HNRNPC: variants seen among roughly 807,000 people sequenced by gnomAD.
The protein encoded by HNRNPC is heterogeneous nuclear ribonucleoproteins C1/C2.
In HNRNPC, 3 loss-of-function variants were observed where a neutral mutation model predicts 33.2. The observed-to-expected ratio is 0.09, with a 90% CI of 0.04 to 0.23. The LOEUF (loss-of-function observed/expected upper bound fraction) is 0.23. HNRNPC is among the 10% of genes least tolerant of loss of function. The pLI is 1.00. For synonymous variants in HNRNPC, 121 were observed against 126.7 expected (o/e 0.96, Z 0.30); for missense variants, 143 against 366.7 (o/e 0.39, Z 4.98).
chr14:21,253,214 C>T (rs900595429), intron 2 of HNRNPC, among the ~76,000 whole-genome samples: 8 of 147,714 alleles, frequency 5.4e-5, no homozygotes, highest in Admixed American at 1.4e-4. Flanking sequence ...CGGTGGCTCA[C>T]GCCTGTAATC....
chr14:21,217,954 T>G (rs933899127), intron 5 of HNRNPC, among the ~76,000 whole-genome samples: 2 of 152,112 alleles, frequency 1.3e-5, no homozygotes, highest in Non-Finnish European at 2.9e-5. Flanking sequence ...TCAAAAAGAA[T>G]CTAGTCTGTA....
intron 2 of HNRNPC, among the ~76,000 whole-genome samples, chr14:21,258,864 A>T (rs956754169): frequency 6.6e-6 from 1 of 152,188 alleles, no homozygotes; most frequent in African/African-American, 2.4e-5. Context: ...GCTTGGGATG[A>T]TTATTTTCTT....
chr14:21,217,852 T>C (rs1345353578), intron 5 of HNRNPC, among the ~76,000 whole-genome samples: 3 of 152,230 alleles, frequency 2.0e-5, no homozygotes, highest in African/African-American at 7.2e-5. Context: ...AAAAGTGGTG[T>C]GTCTTGATGG....
chr14:21,252,561 C>T (rs1280768856), intron 2 of HNRNPC, among the ~76,000 whole-genome samples: 1 of 152,196 alleles, frequency 6.6e-6, no homozygotes, highest in Non-Finnish European at 1.5e-5. Context: ...GATGTGCCCA[C>T]CTTGGCCTCC....
intron 1 of HNRNPC, chr14:21,264,608 G>A (rs1475497208): frequency 6.6e-6 from 1 of 152,156 alleles, no homozygotes; most frequent in Non-Finnish European, 1.5e-5. Context: ...TGACAAACTG[G>A]TTGTTTCATC....
chr14:21,226,899 G>GAAAAAAAA (rs763914963), intron 5 of HNRNPC, among the ~76,000 whole-genome samples: 10 of 106,380 alleles, frequency 9.4e-5, no homozygotes, highest in African/African-American at 3.9e-4. Flanking sequence ...AAAAAAAGGG[G>GAAAAAAAA]GGGGGGGGAC....
chr14:21,262,633 AG>A (rs1479308836), intron 2 of HNRNPC: 1 of 152,386 alleles, frequency 6.6e-6, no homozygotes, highest in Non-Finnish European at 1.5e-5. Flanking sequence ...TCTGTTCCGA[AG>A]GCCCCCCTGG....
intron 3 of HNRNPC, among the ~76,000 whole-genome samples, chr14:21,231,979 G>C (rs1273668231): frequency 6.6e-6 from 1 of 152,120 alleles, no homozygotes; most frequent in Non-Finnish European, 1.5e-5. Context: ...TTATAAGTAA[G>C]GATTAGCTGT....
chr14:21,232,556 T>C (rs532324766), intron 3 of HNRNPC, among the ~76,000 whole-genome samples: 1 of 152,232 alleles, frequency 6.6e-6, no homozygotes, highest in African/African-American at 2.4e-5. Context: ...TTAATAGAGA[T>C]GGCTTTTCAC....
chr14:21,260,699 T>A (rs1179503611), intron 2 of HNRNPC, among the ~76,000 whole-genome samples: 3 of 152,134 alleles, frequency 2.0e-5, no homozygotes, highest in Admixed American at 1.3e-4. Flanking sequence ...GTGCAGTGGC[T>A]CATGCCTGTA....
chr14:21,247,760 A>G (rs933989556), intron 2 of HNRNPC, among the ~76,000 whole-genome samples: 16 of 151,166 alleles, frequency 1.1e-4, no homozygotes, highest in Non-Finnish European at 2.1e-4. Context: ...GACCAGCTTG[A>G]CTAACATGGT....
chr14:21,221,907 G>A (rs2139546161), intron 5 of HNRNPC, among the ~76,000 whole-genome samples: 1 of 151,824 alleles, frequency 6.6e-6, no homozygotes, highest in South Asian at 2.1e-4. Context: ...ATATTAGCCG[G>A]GCGTGGTGGC....
At chr14:21,216,640 C>T (rs903030218) in intron 5 of HNRNPC, among the ~76,000 whole-genome samples, 1 of 152,096 alleles carries the variant, frequency 6.6e-6, no homozygotes, top group African/African-American at 2.4e-5. Context: ...ACCTAACAGG[C>T]GGAGTTCATA....
rs1038366798 is a variant in HNRNPC at position 21,234,104 on chromosome 14, T to C, written c.90A>G (p.Lys30=). The part of the protein sequence containing the change: ...IGNLNTLVVK[K]SDVEAIFSKY... ...TCGAAAAGATTGCCTCCACATCAGATTTCTTGACCACAAGAGTGTTGAGAT... is the reference window on the plus strand; with the variant it reads ...TCGAAAAGATTGCCTCCACATCAGACTTCTTGACCACAAGAGTGTTGAGAT... Residue 30 remains lysine, a synonymous_variant, in exon 3 of 9, where the codon AAA becomes AAG. Coordinates refer to ENST00000553300, the MANE Select transcript of HNRNPC (RefSeq NM_004500.4). The C allele has an allele frequency of 4.3e-6, 7 of 1,613,984 alleles. No individual in the cohort carries two copies. Among genetic ancestry groups the C allele is most frequent in the African/African-American group, 1.3e-5 (1 of 75,026 alleles).
chr14:21,248,719 T>C (rs1896277104), intron 2 of HNRNPC, among the ~76,000 whole-genome samples: 1 of 152,224 alleles, frequency 6.6e-6, no homozygotes, highest in South Asian at 2.1e-4. Flanking sequence ...AGCAAATACA[T>C]TTTTAATTAC....
intron 5 of HNRNPC, among the ~76,000 whole-genome samples, chr14:21,213,910 T>C (rs932527093): frequency 6.6e-6 from 1 of 152,236 alleles, no homozygotes; most frequent in Admixed American, 6.5e-5. Context: ...CTGTTTCTAT[T>C]AGAAATCTTA....
chr14:21,230,793 A>G, intron 4 of HNRNPC: 1 of 558,298 alleles, frequency 1.8e-6, no homozygotes, highest in Non-Finnish European at 3.1e-6. Context: ...ATTCTCTAGA[A>G]ATTTTCTCTA....
At chr14:21,217,527 A>C (rs911719024) in intron 5 of HNRNPC, among the ~76,000 whole-genome samples, 1 of 152,184 alleles carries the variant, frequency 6.6e-6, no homozygotes, top group African/African-American at 2.4e-5. Flanking sequence ...AAAAAATGGA[A>C]ATAGATTATT....
chr14:21,245,949 G>A (rs372309228), intron 2 of HNRNPC, among the ~76,000 whole-genome samples: 2 of 151,948 alleles, frequency 1.3e-5, no homozygotes, highest in South Asian at 2.1e-4. Flanking sequence ...AGGTTCAAGC[G>A]ATTTTGCCAC....
Sources: allele counts gnomAD v4.1 joint callset (sites outside exome capture counted in the v4.1 genomes callset), GRCh38; gene constraint gnomAD v4.1.1; transcripts MANE v1.5; gene names NCBI Gene and HGNC (gene_info 2026-07-23, HGNC 2026-07-21).